DENND4C: variants seen among roughly 807,000 people sequenced by gnomAD.
The protein encoded by DENND4C is DENN domain-containing protein 4C.
A neutral mutation model predicts 203.0 loss-of-function variants in DENND4C; 108 were observed. The observed-to-expected ratio is 0.53, with a 90% confidence interval of 0.46 to 0.62. DENND4C has a LOEUF of 0.62. Among genes scored for constraint, DENND4C ranks in the 20% least tolerant of loss-of-function variants. The pLI is 0.00. For missense variants in DENND4C, 2,481 were observed against 2,301.2 expected (o/e 1.08, Z -1.60); for synonymous variants, 871 against 792.4 (o/e 1.10, Z -1.67).
In DENND4C at chr9:19,358,459, A is replaced by G. The variant is rs1035546797; in HGVS notation, c.5160+299A>G. On this transcript the variant is annotated intron_variant, in intron 28 of 32. Coordinates refer to ENST00000434457, the MANE Select transcript of DENND4C (RefSeq NM_001330640.2). The surrounding 1 kb of genome is among the most constrained non-coding windows in gnomAD (Gnocchi z 4.8). ...TTTTGAAGCAAATTTCAAACATCAC[A>G]TATTCTGTTAGTAAATATTTCAGTA... Among the ~76,000 whole-genome samples the G allele has an allele frequency of 3.4e-5, 5 of 149,064 alleles. No homozygotes were observed. The South Asian group carries it at 6.2e-4, about 19-fold the overall frequency.
At chr9:19,264,561 C>T (rs1039661456) in intron 1 of DENND4C, among the ~76,000 whole-genome samples, 8 of 152,122 alleles carry the variant, frequency 5.3e-5, no homozygotes, top group Non-Finnish European at 1.2e-4. Context: ...CCTGCTTTGG[C>T]CTCTCAAAGT....
intron 20 of DENND4C, among the ~76,000 whole-genome samples, chr9:19,339,815 T>G (rs527336728): frequency 6.6e-6 from 1 of 152,340 alleles, no homozygotes; most frequent in South Asian, 2.1e-4. Context: ...TTTTCATATT[T>G]AGAAGATGAT....
rs116863166 is a variant in DENND4C, at chr9:19,319,718, A to G, written c.1807+2879A>G. The stretch of plus-strand genomic sequence containing the variant: ...AAAGTTTTATTGTAAACAGTCCAGC[A>G]TTTGGTCTACTAGGGGACACAGACA... On this transcript the variant is annotated intron_variant, in intron 12 of 32. Transcript: ENST00000434457. 4.7e-4 allele frequency among the ~76,000 whole-genome samples: 71 copies of G among 152,162 alleles called. 1 individual carries two copies. In the East Asian group the frequency reaches 0.012, roughly 25 times the overall value.
chr9:19,305,513 G>T lies in DENND4C; in HGVS notation c.1473G>T (p.Thr491=). 1.2e-6 allele frequency: 2 copies of T among 1,612,166 alleles called. No homozygotes were observed. The highest frequency in any genetic ancestry group is 1.1e-5 in the South Asian group (1 of 91,020). Residue 491 remains threonine (T), a synonymous_variant, in exon 10 of 33, where the codon ACG becomes ACT. Transcript: ENST00000434457. ...PQDVVCIDLD[T]NMLYVSDEKK... is the part of the protein sequence containing the mutation. ...ATGTTGTTTGCATTGACTTGGATAC[G>T]AACATGTTATATGTGTAAGTTGATT...
chr9:19,300,266 A>T lies in DENND4C; in HGVS notation c.1246A>T (p.Ser416Cys), dbSNP rs780019833. 6.2e-7 allele frequency: 1 copy of T among 1,612,406 alleles called. No individual in the cohort carries two copies. The highest frequency in any genetic ancestry group is 8.5e-7 in the Non-Finnish European group (1 of 1,178,878). ...ACTGCTGCTCTTTGTTTTACTTGAG[A>T]GTAAAATTCTGCTGCATTCTCTTAG... ...ATLLLFVLLE[S>C]KILLHSLRPA... Residue 416 changes from serine to cysteine, a missense_variant, in exon 9 of 33, where the codon AGT (serine) becomes TGT (cysteine). Around this residue, in one of 3 missense-constraint regions of DENND4C, gnomAD observed 2,289 missense variants for 2,113.3 expected, o/e 1.08. Coordinates refer to ENST00000434457, the MANE Select transcript of DENND4C (RefSeq NM_001330640.2).
chr9:19,238,389 A>G (rs1304210353), intron 1 of DENND4C, among the ~76,000 whole-genome samples: 4 of 149,804 alleles, frequency 2.7e-5, no homozygotes, highest in African/African-American at 9.8e-5. Context: ...GCCTCTTCCT[A>G]TTTCTAGTGG....
intron 1 of DENND4C, among the ~76,000 whole-genome samples, chr9:19,238,376 C>G (rs1822575330): frequency 6.6e-6 from 1 of 151,572 alleles, no homozygotes; most frequent in Admixed American, 6.6e-5. Flanking sequence ...GCCACTGCGC[C>G]CAGCCTCTTC....
At chr9:19,252,738 CACAT>C (rs917205575) in intron 1 of DENND4C, among the ~76,000 whole-genome samples, 25 of 139,044 alleles carry the variant, frequency 1.8e-4, no homozygotes, top group East Asian at 1.7e-3. Context: ...CACACACACA[CACAT>C]ACTTTTTTTT....
At chr9:19,349,201 G>GT (rs1696764978) in intron 23 of DENND4C, among the ~76,000 whole-genome samples, 2 of 152,172 alleles carry the variant, frequency 1.3e-5, no homozygotes, top group Non-Finnish European at 2.9e-5. Flanking sequence ...GAGCCCAGGA[G>GT]TTTGAGCCTA....
At chr9:19,274,218 G>A (rs1326104331) in intron 1 of DENND4C, among the ~76,000 whole-genome samples, 1 of 151,826 alleles carries the variant, frequency 6.6e-6, no homozygotes, top group African/African-American at 2.4e-5. Flanking sequence ...TATAATGATA[G>A]GAAGCTGATA....
At chr9:19,248,706 C>A (rs568922837) in intron 1 of DENND4C, among the ~76,000 whole-genome samples, 1 of 151,800 alleles carries the variant, frequency 6.6e-6, no homozygotes, top group African/African-American at 2.4e-5. Flanking sequence ...TACTTATTTA[C>A]TTCTTCAGAG....
intron 20 of DENND4C, among the ~76,000 whole-genome samples, chr9:19,340,262 T>G (rs1355776017): frequency 6.6e-6 from 1 of 152,174 alleles, no homozygotes; most frequent in African/African-American, 2.4e-5. Context: ...TCACACCCAT[T>G]TCTCTGTCAA....
chr9:19,244,958 A>G (rs1052970207), intron 1 of DENND4C, among the ~76,000 whole-genome samples: 2 of 152,182 alleles, frequency 1.3e-5, no homozygotes, highest in Admixed American at 1.3e-4. Context: ...GTTTTTATTC[A>G]TATCAAGAAT....
Position 19,373,029 on chromosome 9 carries a change from TGAC to T in DENND4C, c.*857_*859del, listed in dbSNP as rs1464966690. On this transcript the variant is annotated 3_prime_UTR_variant, in exon 33 of 33. Coordinates refer to ENST00000434457, the MANE Select transcript of DENND4C (RefSeq NM_001330640.2). ...GGGGTCTCATTGACTATTAAATAAA[TGAC>T]TACTACTAAACTTGTCTGTAGTCAT... 3 of 152,310 alleles carry T rather than the reference TGAC, an allele frequency of 2.0e-5. No individual in the cohort carries two copies. Among genetic ancestry groups the T allele is most frequent in the African/African-American group, 7.2e-5 (3 of 41,580 alleles). 9.4% of individuals were successfully genotyped at this position (152,310 alleles called of 1,614,324 possible). A position where few individuals can be genotyped will look rare whatever the true frequency, so the allele number is the denominator to read the frequency against.
chr9:19,300,167 T>C lies in DENND4C; in HGVS notation c.1167-20T>C. The C allele has an allele frequency of 1.3e-6, 2 of 1,581,320 alleles. No individual in the cohort carries two copies. On this transcript the variant is annotated intron_variant, in intron 8 of 32. Coordinates refer to ENST00000434457, the MANE Select transcript of DENND4C (RefSeq NM_001330640.2). Reference sequence around the variant, plus strand: ...GCAAAATAGTTCACAATGATCTACTTTTCTCTTTTTTTTCCCTAGTGGAGC... The same window carrying C: ...GCAAAATAGTTCACAATGATCTACTCTTCTCTTTTTTTTCCCTAGTGGAGC...
intron 9 of DENND4C, among the ~76,000 whole-genome samples, chr9:19,300,798 A>G (rs899563838): frequency 6.6e-6 from 1 of 152,258 alleles, no homozygotes; most frequent in Non-Finnish European, 1.5e-5. Context: ...GCTCTTGTGT[A>G]AAGCGTAAAT....
At chr9:19,267,353 T>G (rs1463509543) in intron 1 of DENND4C, among the ~76,000 whole-genome samples, 1 of 152,216 alleles carries the variant, frequency 6.6e-6, no homozygotes, top group Non-Finnish European at 1.5e-5. Flanking sequence ...CCTTATTATA[T>G]AATGACCTTC....
chr9:19,294,650 TATGA>T (rs1837055974), intron 5 of DENND4C, among the ~76,000 whole-genome samples: 1 of 152,204 alleles, frequency 6.6e-6, no homozygotes, highest in African/African-American at 2.4e-5. Flanking sequence ...TGCATCAACG[TATGA>T]ATGGATACAC....
At chr9:19,364,727 T>C (rs1386753045) in intron 30 of DENND4C, among the ~76,000 whole-genome samples, 1 of 152,064 alleles carries the variant, frequency 6.6e-6, no homozygotes, top group Non-Finnish European at 1.5e-5. Flanking sequence ...ACCCCGCCTC[T>C]ACTAAAAATA....
Sources: allele counts gnomAD v4.1 joint callset (sites outside exome capture counted in the v4.1 genomes callset), GRCh38; gene constraint gnomAD v4.1.1; regional missense constraint gnomAD v4.1.1; non-coding constraint Gnocchi (gnomAD v3.1); transcripts MANE v1.5; gene names NCBI Gene and HGNC (gene_info 2026-07-23, HGNC 2026-07-21).